CAST: variants seen among roughly 807,000 people sequenced by gnomAD.
CAST encodes the protein MIR583 host.
Under a neutral mutation model 119.6 loss-of-function variants are expected in CAST, and 76 were observed. That is an observed-to-expected ratio of 0.64 (90% CI 0.53 to 0.77). The LOEUF is 0.77. Ranked by LOEUF, CAST falls within the 30% of genes least tolerant of loss-of-function variation. The pLI is 0.00. For synonymous variants in CAST, 319 were observed against 331.6 expected, an observed-to-expected ratio of 0.96 and a Z score of 0.41; for missense variants, 953 against 946.5, an observed-to-expected ratio of 1.01 and a Z score of -0.09.
upstream of CAST, among the ~76,000 whole-genome samples, chr5:96,522,070 C>T (rs1745526429): frequency 2.0e-5 from 3 of 151,782 alleles, no homozygotes; most frequent in South Asian, 2.1e-4. Flanking sequence ...GAGCCGAGCT[C>T]GTGCTACTGC....
the CAST span, among the ~76,000 whole-genome samples, chr5:96,452,976 A>AAAAAAAG: frequency 1.1e-4 from 15 of 142,408 alleles, no homozygotes; most frequent in African/African-American, 3.5e-4. Flanking sequence ...AAAAAAAAAA[A>AAAAAAAG]CAGAAGAAAG....
chr5:96,365,216 C>T, the CAST span, among the ~76,000 whole-genome samples: 1 of 152,144 alleles, frequency 6.6e-6, no homozygotes, highest in African/African-American at 2.4e-5. Context: ...TGTTCTTTTA[C>T]ATTTGCTGAG....
At chr5:96,705,844 T>G (rs1754865570) in intron 3 of CAST, among the ~76,000 whole-genome samples, 1 of 152,192 alleles carries the variant, frequency 6.6e-6, no homozygotes, top group African/African-American at 2.4e-5. Context: ...TTTTACAGAT[T>G]AAGAAAATAA....
intron 3 of CAST, among the ~76,000 whole-genome samples, chr5:96,717,808 C>T (rs1757448107): frequency 6.6e-6 from 1 of 152,174 alleles, no homozygotes; most frequent in African/African-American, 2.4e-5. Context: ...ATCTAAAAAT[C>T]AGGCAGAAGG....
chr5:96,405,848 A>G, the CAST span, among the ~76,000 whole-genome samples: 1 of 152,230 alleles, frequency 6.6e-6, no homozygotes, highest in Non-Finnish European at 1.5e-5. Context: ...TGGTCACTAT[A>G]CAAGGATGGG....
the CAST span, among the ~76,000 whole-genome samples, chr5:96,447,548 CGGGCAGAAAATAGACAA>C: frequency 6.6e-6 from 1 of 152,074 alleles, no homozygotes; most frequent in Non-Finnish European, 1.5e-5. Context: ...ATGTTACTCA[CGGGCAGAAAATAGACAA>C]GGGCAGAACC....
chr5:96,650,454 T>A (rs949988859), intron 1 of CAST, among the ~76,000 whole-genome samples: 1 of 152,184 alleles, frequency 6.6e-6, no homozygotes, highest in Admixed American at 6.5e-5. Context: ...GGTTTGTTGG[T>A]TATTGAAGTA....
upstream of CAST, chr5:96,662,278 G>T (rs1013606133): frequency 1.7e-5 from 17 of 1,011,438 alleles, no homozygotes; most frequent in Non-Finnish European, 2.1e-5. Flanking sequence ...GACCTGGGGT[G>T]GGGTCGGAAA....
chr5:96,766,268 C>T (rs971765558), intron 27 of CAST, 123 bp downstream of exon 27: 2 of 594,110 alleles, frequency 3.4e-6, no homozygotes, highest in South Asian at 2.2e-5. Context: ...TGACTGACTG[C>T]TTCTAATGTG....
the CAST span, among the ~76,000 whole-genome samples, chr5:96,058,146 TCA>T: frequency 6.6e-6 from 1 of 152,092 alleles, no homozygotes; most frequent in Non-Finnish European, 1.5e-5. Context: ...CAGAACCAAA[TCA>T]CTGATTCTCT....
At chr5:96,442,582 A>G in the CAST span, among the ~76,000 whole-genome samples, 2 of 152,258 alleles carry the variant, frequency 1.3e-5, no homozygotes, top group Non-Finnish European at 2.9e-5. Context: ...GTATTGTAGG[A>G]CAATCATTTT....
chr5:96,634,270 G>A (rs1241807430), intron 1 of CAST, among the ~76,000 whole-genome samples: 1 of 152,200 alleles, frequency 6.6e-6, no homozygotes, highest in African/African-American at 2.4e-5. Flanking sequence ...ATCAACAAGA[G>A]TGAAAGGGCT....
intron 1 of CAST, among the ~76,000 whole-genome samples, chr5:96,599,974 A>AAAAAAACAAAACAAAAC (rs1554070024): frequency 4.8e-5 from 6 of 125,736 alleles, no homozygotes; most frequent in Admixed American, 9.9e-5. Context: ...GGCAAAAAAA[A>AAAAAAACAAAACAAAAC]AAAAAAAAAC....
chr5:96,439,318 G>T, the CAST span, among the ~76,000 whole-genome samples: 1 of 144,148 alleles, frequency 6.9e-6, no homozygotes, highest in East Asian at 2.0e-4. Context: ...GGGGAGAACA[G>T]GAGTAGAAGC....
the CAST span, among the ~76,000 whole-genome samples, chr5:96,361,038 G>A: frequency 6.6e-6 from 1 of 152,208 alleles, no homozygotes; most frequent in Non-Finnish European, 1.5e-5. Context: ...GCCCAGAGAG[G>A]AGGAATCTAG....
intron 22 of CAST, among the ~76,000 whole-genome samples, chr5:96,757,037 G>C (rs1039446672): frequency 1.3e-5 from 2 of 152,184 alleles, no homozygotes; most frequent in Non-Finnish European, 2.9e-5. Flanking sequence ...TGGCTTACAA[G>C]GTTAACCAGC....
chr5:96,393,365 T>A, the CAST span: 1 of 1,613,856 alleles, frequency 6.2e-7, no homozygotes, highest in Non-Finnish European at 8.5e-7. Context: ...AGGGTTCTCT[T>A]GTGTGGGCTG....
the CAST span, among the ~76,000 whole-genome samples, chr5:95,983,022 A>C: frequency 2.0e-5 from 3 of 152,238 alleles, no homozygotes; most frequent in Non-Finnish European, 4.4e-5. Flanking sequence ...ATGCCCCAAG[A>C]TGTATTAAGT....
Position 96,681,508 on chromosome 5 carries a change from C to T in CAST, c.138+5907C>T, listed in dbSNP as rs1241746090. On this transcript the variant is annotated intron_variant, in intron 2 of 31. Coordinates refer to ENST00000675179, the MANE Select transcript of CAST (RefSeq NM_001750.7). The stretch of plus-strand genomic sequence containing the variant: ...CAGCACTTTGGGAGGCCGAGGCGGG[C>T]GGATCACGAGGTCAGGAGATCGAGA... 4.0e-5 allele frequency among the ~76,000 whole-genome samples: 6 copies of T among 151,830 alleles called. No homozygotes were observed. In the East Asian group the frequency reaches 9.7e-4, roughly 25 times the overall value.
Sources: allele counts gnomAD v4.1 joint callset (sites outside exome capture counted in the v4.1 genomes callset), GRCh38; gene constraint gnomAD v4.1.1; transcripts MANE v1.5; gene names NCBI Gene and HGNC (gene_info 2026-07-23, HGNC 2026-07-21).